KCNAB1: variants seen among roughly 807,000 people sequenced by gnomAD.
KCNAB1 encodes the protein potassium voltage-gated channel subfamily A regulatory beta subunit 1, also known as voltage-gated potassium channel subunit beta-1.
A neutral mutation model predicts 64.6 loss-of-function variants in KCNAB1; 35 were observed. The ratio of observed to expected loss-of-function variants is 0.54; its 90% CI spans 0.41 to 0.72. The LOEUF is 0.72. KCNAB1 is among the 30% of genes least tolerant of loss of function. KCNAB1 has a pLI of 0.00. For missense variants in KCNAB1, 401 were observed against 512.9 expected, an observed-to-expected ratio of 0.78 and a Z score of 2.11; for synonymous variants, 177 against 183.8, an observed-to-expected ratio of 0.96 and a Z score of 0.30.
At chr3:156,417,446 C>G (rs540277615) in intron 1 of KCNAB1, among the ~76,000 whole-genome samples, 1 of 152,202 alleles carries the variant, frequency 6.6e-6, no homozygotes, top group Non-Finnish European at 1.5e-5. Flanking sequence ...ACCTTTAAAT[C>G]GGGGATTTTG....
At chr3:156,318,604 A>G (rs2108020643) in intron 1 of KCNAB1, among the ~76,000 whole-genome samples, 1 of 152,348 alleles carries the variant, frequency 6.6e-6, no homozygotes, top group East Asian at 1.9e-4. Context: ...ATAAGAGCGT[A>G]TGGCACACAG....
intron 1 of KCNAB1, among the ~76,000 whole-genome samples, chr3:156,240,022 C>T (rs1254038052): frequency 6.6e-6 from 1 of 152,146 alleles, no homozygotes; most frequent in African/African-American, 2.4e-5. Flanking sequence ...AACACATACA[C>T]ACTAATGAGG....
At chr3:156,338,303 C>CTTTTTT (rs34671816) in intron 1 of KCNAB1, among the ~76,000 whole-genome samples, 1,196 of 39,420 alleles carry the variant, frequency 0.03, 311 homozygotes, top group African/African-American at 0.08. Context: ...GGCATTTGCA[C>CTTTTTT]TTTTTTTTTT....
At chr3:156,467,483 A>G (rs1201073391) in intron 7 of KCNAB1, among the ~76,000 whole-genome samples, 8 of 152,164 alleles carry the variant, frequency 5.3e-5, no homozygotes, top group Non-Finnish European at 8.8e-5. Flanking sequence ...ATCAAAATAG[A>G]TAAGGAAGCC....
intron 1 of KCNAB1, among the ~76,000 whole-genome samples, chr3:156,182,693 C>A (rs2108348522): frequency 8.9e-6 from 1 of 112,350 alleles, no homozygotes; most frequent in South Asian, 3.0e-4. Flanking sequence ...TAAAGTAAGA[C>A]AATTTTTTTT....
At chr3:156,178,674 C>G (rs1365676445) in intron 1 of KCNAB1, among the ~76,000 whole-genome samples, 1 of 152,138 alleles carries the variant, frequency 6.6e-6, no homozygotes, top group Admixed American at 6.6e-5. Context: ...AGAATGAATG[C>G]GTTTTTTTAC....
At chr3:156,186,625 C>T (rs946837874) in intron 1 of KCNAB1, among the ~76,000 whole-genome samples, 6 of 152,128 alleles carry the variant, frequency 3.9e-5, no homozygotes, top group Non-Finnish European at 8.8e-5. Context: ...CCTGTCCTAC[C>T]TGCTTCTGCC....
intron 8 of KCNAB1, among the ~76,000 whole-genome samples, chr3:156,507,466 G>A (rs190457592): frequency 6.6e-6 from 1 of 152,132 alleles, no homozygotes; most frequent in South Asian, 2.1e-4. Context: ...TCCATACTAA[G>A]GATGACATCA....
chr3:156,524,016 C>T, intron 12 of KCNAB1, 69 bp downstream of exon 12: 10 of 1,425,958 alleles, frequency 7.0e-6, no homozygotes, highest in Non-Finnish European at 9.6e-6. Flanking sequence ...CTATTGCTGA[C>T]CACACCCTTA....
chr3:156,479,012 A>G (rs939369874), intron 8 of KCNAB1, among the ~76,000 whole-genome samples: 7 of 152,152 alleles, frequency 4.6e-5, no homozygotes, highest in African/African-American at 1.7e-4. Flanking sequence ...GTTCCTGACA[A>G]TGGAGGGGAG....
At chr3:156,331,894 G>A (rs2108046613) in intron 1 of KCNAB1, among the ~76,000 whole-genome samples, 1 of 152,280 alleles carries the variant, frequency 6.6e-6, no homozygotes, top group African/African-American at 2.4e-5. Context: ...ACCAGGATGA[G>A]CCAGACAAAC....
chr3:156,383,687 C>T (rs1014487339), intron 1 of KCNAB1, among the ~76,000 whole-genome samples: 1 of 151,968 alleles, frequency 6.6e-6, no homozygotes, highest in Non-Finnish European at 1.5e-5. Flanking sequence ...TGGCTCAAGT[C>T]AGAAAAAAAT....
chr3:156,261,797 G>T (rs1321181220), intron 1 of KCNAB1, among the ~76,000 whole-genome samples: 1 of 151,922 alleles, frequency 6.6e-6, no homozygotes, highest in Non-Finnish European at 1.5e-5. Context: ...GATAGGGATT[G>T]TATTGAATTT....
intron 1 of KCNAB1, among the ~76,000 whole-genome samples, chr3:156,232,134 A>G (rs1360272376): frequency 2.0e-5 from 3 of 152,238 alleles, no homozygotes; most frequent in African/African-American, 4.8e-5. Flanking sequence ...GCATCTAAAT[A>G]ATATTACTTA....
At chr3:156,315,561 A>C (rs1331901995) in intron 1 of KCNAB1, among the ~76,000 whole-genome samples, 2 of 152,194 alleles carry the variant, frequency 1.3e-5, no homozygotes, top group Non-Finnish European at 2.9e-5. Flanking sequence ...AAGCTGATGT[A>C]AAGGAGTGGA....
chr3:156,204,329 G>C (rs1037730764), intron 1 of KCNAB1, among the ~76,000 whole-genome samples: 9 of 152,142 alleles, frequency 5.9e-5, no homozygotes, highest in African/African-American at 2.2e-4. Flanking sequence ...ACTTGTAGAG[G>C]TTTGGCTCAG....
At chr3:156,501,034 C>T (rs13084354) in intron 8 of KCNAB1, among the ~76,000 whole-genome samples, 11,482 of 152,302 alleles carry the variant, frequency 0.075, 490 homozygotes, top group East Asian at 0.15. Flanking sequence ...CTTTCCGTCT[C>T]TACTAGAGGC....
chr3:156,523,834 A>G lies in KCNAB1; in HGVS notation c.968A>G (p.Gln323Arg). 1 of 1,613,080 alleles carries G rather than the reference A, an allele frequency of 6.2e-7. No individual in the cohort carries two copies. The highest frequency in any genetic ancestry group is 8.5e-7 in the Non-Finnish European group (1 of 1,179,188). ...ESSRASLKCYQWLKERIVSEE... is the reference protein window; with the variant it reads ...ESSRASLKCYRWLKERIVSEE... ...TGTTATGCTTTTCCCCAGTGCTACCAGTGGTTGAAAGAAAGAATTGTAAGT... is the reference window on the plus strand; with the variant it reads ...TGTTATGCTTTTCCCCAGTGCTACCGGTGGTTGAAAGAAAGAATTGTAAGT... The change falls in exon 12 of 14, where the codon CAG (glutamine) becomes CGG (arginine). Residue 323 changes from glutamine (Q) to arginine (R), a missense_variant. Transcript: ENST00000490337.
intron 4 of KCNAB1, 130 bp from the exon 5 acceptor site, chr3:156,459,697 C>A: frequency 1.6e-6 from 1 of 635,760 alleles, no homozygotes; most frequent in Non-Finnish European, 2.7e-6. Context: ...TGCTACCAGC[C>A]GAGAGCGGCT....
Sources: gnomAD v4.1 joint callset for allele counts (sites outside exome capture counted in the v4.1 genomes callset) on GRCh38, gnomAD v4.1.1 for gene constraint, MANE v1.5 for transcripts, NCBI Gene and HGNC (gene_info 2026-07-23, HGNC 2026-07-21) for gene names.